Variants in TAF4B observed in about 807,000 individuals in gnomAD.
TAF4B encodes the protein transcription initiation factor TFIID subunit 4B.
In TAF4B, 38 loss-of-function variants were observed where a neutral mutation model predicts 86.4. The observed-to-expected ratio is 0.44, with a 90% CI of 0.34 to 0.58. The LOEUF (loss-of-function observed/expected upper bound fraction) is 0.58. TAF4B is among the 20% of genes least tolerant of loss of function. The pLI is 0.02. For synonymous variants in TAF4B, 388 were observed against 391.2 expected (o/e 0.99, Z 0.10); for missense variants, 988 against 1,027.6 (o/e 0.96, Z 0.53).
chr18:26,299,249 T>C (rs1018252119), intron 9 of TAF4B, among the ~76,000 whole-genome samples: 2 of 152,168 alleles, frequency 1.3e-5, no homozygotes, highest in Middle Eastern at 3.2e-3. Context: ...CCTGAAAGTA[T>C]AGTCTTCCTA....
chr18:26,276,499 A>G (rs1034040095), intron 5 of TAF4B, among the ~76,000 whole-genome samples: 5 of 152,198 alleles, frequency 3.3e-5, no homozygotes, highest in African/African-American at 1.2e-4. Flanking sequence ...TTCCAAGTAT[A>G]AAATGTGTAT....
chr18:26,318,823 C>G (rs1025703038), intron 10 of TAF4B, among the ~76,000 whole-genome samples: 3 of 152,210 alleles, frequency 2.0e-5, no homozygotes, highest in African/African-American at 7.2e-5. Context: ...CACTTATTTC[C>G]AATATTTAAA....
chr18:26,254,678 G>A (rs777444426), intron 1 of TAF4B, among the ~76,000 whole-genome samples: 6 of 152,110 alleles, frequency 3.9e-5, no homozygotes, highest in African/African-American at 9.7e-5. Context: ...TCTACTGTGC[G>A]GTAATGCTTT....
chr18:26,371,507 G>C (rs1468840769), intron 14 of TAF4B, among the ~76,000 whole-genome samples: 1 of 152,206 alleles, frequency 6.6e-6, no homozygotes, highest in Non-Finnish European at 1.5e-5. Context: ...AGGATTCCAG[G>C]TGGCAGAGGT....
chr18:26,337,452 C>T (rs2057102309), intron 13 of TAF4B, among the ~76,000 whole-genome samples: 1 of 123,054 alleles, frequency 8.1e-6, no homozygotes, highest in Admixed American at 1.1e-4. Flanking sequence ...GAGATGGAGT[C>T]TCACTCTGTC....
intron 14 of TAF4B, among the ~76,000 whole-genome samples, chr18:26,369,347 G>T (rs2144338914): frequency 6.6e-6 from 1 of 152,318 alleles, no homozygotes; most frequent in Admixed American, 6.5e-5. Flanking sequence ...TATACTGAAA[G>T]AAATAAGCAA....
intron 14 of TAF4B, among the ~76,000 whole-genome samples, chr18:26,385,162 AAAAG>A (rs1225401632): frequency 1.3e-5 from 2 of 152,220 alleles, no homozygotes; most frequent in African/African-American, 4.8e-5. Flanking sequence ...GAAATGTGGA[AAAAG>A]AAGTAGAAAA....
At chr18:26,313,334 G>T (rs915142235) in intron 9 of TAF4B, among the ~76,000 whole-genome samples, 1 of 151,948 alleles carries the variant, frequency 6.6e-6, no homozygotes, top group African/African-American at 2.4e-5. Context: ...TCAGATTTTG[G>T]TCCATCTTTA....
At chr18:26,373,213 A>ACCTCATTTAAT (rs1211477930) in intron 14 of TAF4B, among the ~76,000 whole-genome samples, 3 of 152,072 alleles carry the variant, frequency 2.0e-5, no homozygotes, top group Non-Finnish European at 4.4e-5. Flanking sequence ...TGAAATGGGG[A>ACCTCATTTAAT]TTGACCCCTT....
At chr18:26,315,094 A>ACC in intron 9 of TAF4B, 135 bp from the exon 10 acceptor site, 2 of 324,342 alleles carry the variant, frequency 6.2e-6, no homozygotes, top group Non-Finnish European at 9.1e-6. Flanking sequence ...TGCTCTCTGA[A>ACC]ACTCTCTCTC....
At chr18:26,353,947 G>A (rs2057266023) in intron 13 of TAF4B, among the ~76,000 whole-genome samples, 1 of 152,044 alleles carries the variant, frequency 6.6e-6, no homozygotes, top group African/African-American at 2.4e-5. Context: ...TTCTCCTATG[G>A]TTTTTTCCTA....
At position 26,357,940 on chromosome 18, in the gene TAF4B, C is replaced by CT. The variant is rs541338088; in HGVS notation, c.2421+148dup. ...TTCATCTTTGCCAATTTTATAAAAT[C>CT]TTAATTTTTGCCAGGTTTTAAAGAT... On this transcript the variant is annotated intron_variant, in intron 14 of 14. Coordinates refer to ENST00000269142, the MANE Select transcript of TAF4B (RefSeq NM_005640.3). The CT allele has an allele frequency of 4.1e-5, 22 of 534,664 alleles. No individual in the cohort carries two copies. The East Asian group carries it at 5.7e-4, about 14-fold the overall frequency. The allele number at this position is 534,664 out of a possible 1,614,324, so 33.1% of individuals were successfully genotyped here. A position where few individuals can be genotyped will look rare whatever the true frequency, so the allele number is the denominator to read the frequency against.
intron 1 of TAF4B, among the ~76,000 whole-genome samples, chr18:26,245,849 T>C (rs2055916009): frequency 6.6e-6 from 1 of 152,230 alleles, no homozygotes; most frequent in African/African-American, 2.4e-5. Context: ...TAGTCCACTG[T>C]ATTGACATAA....
intron 14 of TAF4B, among the ~76,000 whole-genome samples, chr18:26,360,757 A>G (rs748477517): frequency 2.0e-5 from 3 of 152,172 alleles, no homozygotes; most frequent in Non-Finnish European, 2.9e-5. Context: ...CCTTTATCAC[A>G]CACAACTGTA....
chr18:26,382,354 TA>T (rs1978294555), intron 14 of TAF4B, among the ~76,000 whole-genome samples: 2 of 152,202 alleles, frequency 1.3e-5, no homozygotes, highest in Non-Finnish European at 2.9e-5. Flanking sequence ...CCATAGGAAA[TA>T]ATCAATTTAC....
chr18:26,230,400 C>G (rs768112184), intron 1 of TAF4B, among the ~76,000 whole-genome samples: 3 of 152,230 alleles, frequency 2.0e-5, no homozygotes, highest in Non-Finnish European at 4.4e-5. Context: ...TGTTTCCACT[C>G]TGGCTTTATC....
intron 14 of TAF4B, among the ~76,000 whole-genome samples, chr18:26,380,214 A>G (rs2057468919): frequency 2.0e-5 from 3 of 152,184 alleles, no homozygotes. Context: ...GAGAGCAGAC[A>G]TCCATGCCTT....
At chr18:26,275,786 C>T (rs1252866339) in intron 5 of TAF4B, among the ~76,000 whole-genome samples, 1 of 152,032 alleles carries the variant, frequency 6.6e-6, no homozygotes, top group Non-Finnish European at 1.5e-5. Context: ...GAGGCCGAGG[C>T]AGGTGGATCA....
intron 1 of TAF4B, among the ~76,000 whole-genome samples, chr18:26,232,092 A>G (rs2055680265): frequency 6.6e-6 from 1 of 152,116 alleles, no homozygotes; most frequent in Non-Finnish European, 1.5e-5. Flanking sequence ...CTTGCTAGCT[A>G]CAGAGCACTG....
Sources: gnomAD v4.1 joint callset for allele counts (sites outside exome capture counted in the v4.1 genomes callset) on GRCh38, gnomAD v4.1.1 for gene constraint, MANE v1.5 for transcripts, NCBI Gene and HGNC (gene_info 2026-07-23, HGNC 2026-07-21) for gene names.